Variants in PPP1R9A observed in about 807,000 individuals in gnomAD.
PPP1R9A encodes the protein protein phosphatase 1 regulatory subunit 9A, also known as neurabin-1.
PPP1R9A carries 59 observed loss-of-function variants against 141.9 expected under a neutral mutation model. The observed-to-expected ratio is 0.42, with a 90% CI of 0.34 to 0.52. The LOEUF (loss-of-function observed/expected upper bound fraction) is 0.52, where lower values mean the gene tolerates loss of function less well. Ranked by LOEUF, PPP1R9A falls within the 20% of genes least tolerant of loss-of-function variation. The pLI, the probability that PPP1R9A is intolerant of heterozygous loss-of-function variation, is 0.10. For synonymous variants in PPP1R9A, 500 were observed against 569.7 expected, an observed-to-expected ratio of 0.88 and a Z score of 1.74; for missense variants, 1,444 against 1,611.9, an observed-to-expected ratio of 0.90 and a Z score of 1.78.
At chr7:95,253,735 A>G (rs1799202520) in intron 12 of PPP1R9A, among the ~76,000 whole-genome samples, 1 of 152,166 alleles carries the variant, frequency 6.6e-6, no homozygotes, top group African/African-American at 2.4e-5. Context: ...TTGAGCTCTT[A>G]TGGAATTATA....
chr7:95,127,907 G>C (rs1343830405), intron 4 of PPP1R9A, among the ~76,000 whole-genome samples: 1 of 152,016 alleles, frequency 6.6e-6, no homozygotes, highest in Non-Finnish European at 1.5e-5. Context: ...ATTTTTCTCT[G>C]TCTAGTCCAC....
At chr7:95,215,367 A>G (rs1246326180) in intron 7 of PPP1R9A, among the ~76,000 whole-genome samples, 1 of 151,862 alleles carries the variant, frequency 6.6e-6, no homozygotes, top group Non-Finnish European at 1.5e-5. Context: ...AATCCACTCT[A>G]TCATTGTTGG....
intron 2 of PPP1R9A, among the ~76,000 whole-genome samples, chr7:94,941,297 G>A (rs545947217): frequency 1.3e-5 from 2 of 152,208 alleles, no homozygotes; most frequent in South Asian, 2.1e-4. Flanking sequence ...GTGCTGTGAT[G>A]AGAGTATGTG....
intron 2 of PPP1R9A, among the ~76,000 whole-genome samples, chr7:94,995,168 C>T (rs1403589492): frequency 6.6e-6 from 1 of 151,460 alleles, no homozygotes; most frequent in Non-Finnish European, 1.5e-5. Context: ...GCATTATCTT[C>T]TTGCTGTCAT....
At chr7:94,935,418 A>G (rs1487257339) in intron 2 of PPP1R9A, among the ~76,000 whole-genome samples, 1 of 152,200 alleles carries the variant, frequency 6.6e-6, no homozygotes, top group African/African-American at 2.4e-5. Flanking sequence ...CTGTGGTTGA[A>G]TATGTTTGGG....
At chr7:95,123,198 A>G (rs1158301872) in intron 4 of PPP1R9A, among the ~76,000 whole-genome samples, 3 of 152,176 alleles carry the variant, frequency 2.0e-5, no homozygotes, top group Non-Finnish European at 4.4e-5. Context: ...TTATTCTTCT[A>G]CATAGTTTCA....
intron 7 of PPP1R9A, among the ~76,000 whole-genome samples, chr7:95,214,878 G>A (rs1331548816): frequency 1.3e-5 from 2 of 152,174 alleles, no homozygotes; most frequent in African/African-American, 4.8e-5. Flanking sequence ...AAGGAACACA[G>A]ACGCCATATG....
chr7:94,980,305 A>G (rs1799944131), intron 2 of PPP1R9A, among the ~76,000 whole-genome samples: 1 of 152,158 alleles, frequency 6.6e-6, no homozygotes, highest in Admixed American at 6.5e-5. Flanking sequence ...AGGTTGGACA[A>G]GCTTGCTCTA....
intron 2 of PPP1R9A, among the ~76,000 whole-genome samples, chr7:95,025,634 G>A (rs1189633382): frequency 6.6e-6 from 1 of 152,080 alleles, no homozygotes; most frequent in Admixed American, 6.6e-5. Context: ...GCTAGGTTGG[G>A]CAAGTTCTCC....
rs1804874484 is a variant in PPP1R9A at position 95,284,339 on chromosome 7, A to G, written c.3609+9A>G. ...GGATCCAAGAAACCAATGTAATAACACTGCAATAAACAATGCATGGTATTT... is the reference window on the plus strand; with the variant it reads ...GGATCCAAGAAACCAATGTAATAACGCTGCAATAAACAATGCATGGTATTT... On this transcript the variant is annotated intron_variant, in intron 17 of 19. Coordinates refer to ENST00000433360, the MANE Select transcript of PPP1R9A (RefSeq NM_001166160.2). The G allele has an allele frequency of 1.4e-6, 2 of 1,436,520 alleles. No individual in the cohort carries two copies. The highest frequency in any genetic ancestry group is 1.4e-5 in the African/African-American group (1 of 69,926). 89.0% of individuals were successfully genotyped at this position (1,436,520 alleles called of 1,614,324 possible). A position where few individuals can be genotyped will look rare whatever the true frequency, so the allele number is the denominator to read the frequency against.
chr7:95,154,129 A>AT (rs1045963254), intron 4 of PPP1R9A, among the ~76,000 whole-genome samples: 11 of 144,584 alleles, frequency 7.6e-5, no homozygotes, highest in African/African-American at 1.0e-4. Flanking sequence ...TTTTCTTTGT[A>AT]TTTTTTTTTA....
At chr7:95,020,153 C>G (rs929344474) in intron 2 of PPP1R9A, among the ~76,000 whole-genome samples, 3 of 151,986 alleles carry the variant, frequency 2.0e-5, no homozygotes, top group Non-Finnish European at 4.4e-5. Context: ...ATATACAGTT[C>G]TAGAAAGTGC....
intron 2 of PPP1R9A, among the ~76,000 whole-genome samples, chr7:95,105,309 A>G (rs896779004): frequency 6.6e-6 from 1 of 152,134 alleles, no homozygotes; most frequent in African/African-American, 2.4e-5. Flanking sequence ...AAATAAGCTA[A>G]TTTTTACTTT....
rs908413059 is a variant in PPP1R9A at position 95,159,646 on chromosome 7, G to A, written c.1650-2221G>A. ...CTTTAGAAAAAATATGACTCGGGCCGACCGTGGTGGCTCACACCTGTAATC... is the reference window on the plus strand; with the variant it reads ...CTTTAGAAAAAATATGACTCGGGCCAACCGTGGTGGCTCACACCTGTAATC... On this transcript the variant is annotated intron_variant, in intron 4 of 19. Transcript: ENST00000433360. 1.5e-4 allele frequency among the ~76,000 whole-genome samples: 23 copies of A among 152,052 alleles called. 1 individual carries two copies. Among genetic ancestry groups the A allele is most frequent in the African/African-American group, 4.8e-4 (20 of 41,446 alleles).
At chr7:95,251,928 A>G (rs746519909) in intron 11 of PPP1R9A, 31 bp from the exon 12 acceptor site, 4 of 1,607,824 alleles carry the variant, frequency 2.5e-6, no homozygotes, top group Non-Finnish European at 3.4e-6. Flanking sequence ...GCGCTAGTTT[A>G]GAGTTTTATA....
chr7:95,185,269 T>G (rs1224226487), intron 5 of PPP1R9A, among the ~76,000 whole-genome samples: 2 of 152,146 alleles, frequency 1.3e-5, no homozygotes, highest in African/African-American at 4.8e-5. Context: ...CGGTTTGCAT[T>G]TCCCTGATCA....
At chr7:95,214,790 T>A (rs1030395481) in intron 7 of PPP1R9A, among the ~76,000 whole-genome samples, 3 of 152,106 alleles carry the variant, frequency 2.0e-5, no homozygotes, top group Non-Finnish European at 2.9e-5. Flanking sequence ...CAAATAATGA[T>A]TTTTTTGGTC....
intron 3 of PPP1R9A, among the ~76,000 whole-genome samples, chr7:95,112,679 C>T (rs1820772061): frequency 1.3e-5 from 2 of 152,114 alleles, no homozygotes; most frequent in African/African-American, 4.8e-5. Context: ...CCTAAGTATT[C>T]ATCAATAGAT....
chr7:95,119,578 CA>C (rs968556162), intron 3 of PPP1R9A, among the ~76,000 whole-genome samples: 4 of 152,214 alleles, frequency 2.6e-5, no homozygotes, highest in African/African-American at 9.6e-5. Flanking sequence ...CGTCAGCCCC[CA>C]AACAGCTGGG....
Sources: allele counts gnomAD v4.1 joint callset (sites outside exome capture counted in the v4.1 genomes callset), GRCh38; gene constraint gnomAD v4.1.1; transcripts MANE v1.5; gene names NCBI Gene and HGNC (gene_info 2026-07-23, HGNC 2026-07-21).